Variants in LAMB2 observed in about 807,000 individuals in gnomAD.
The protein encoded by LAMB2 is laminin subunit beta 2, also known as laminin subunit beta-2.
Under a neutral mutation model 202.7 loss-of-function variants are expected in LAMB2, and 119 were observed. The ratio of observed to expected loss-of-function variants is 0.59; its 90% CI spans 0.51 to 0.68. LAMB2 has a LOEUF of 0.68. LAMB2 is among the 30% of genes least tolerant of loss of function. The pLI, the probability that LAMB2 is intolerant of heterozygous loss-of-function variation, is 0.00. For missense variants in LAMB2, 2,124 were observed against 2,410.6 expected (o/e 0.88, Z 2.49); for synonymous variants, 818 against 902.2 (o/e 0.91, Z 1.67).
rs1169182161 is a variant in LAMB2 at position 49,132,841 on chromosome 3, C to T, written c.27G>A (p.Gly9=). 1.9e-6 allele frequency: 3 copies of T among 1,614,050 alleles called. No homozygotes were observed. Among genetic ancestry groups the T allele is most frequent in the Non-Finnish European group, 2.5e-6 (3 of 1,180,042 alleles). Residue 9 remains glycine, a synonymous_variant, in exon 1 of 32, where the codon GGG becomes GGA. Transcript: ENST00000305544. This position sits in a 1 kb window ranked among gnomAD's most constrained non-coding sequence, Gnocchi z 4.6. MELTSRER[G]RGQPLPWELR... Reference sequence around the variant, plus strand: ...GTTCCCAGGGCAGAGGCTGTCCCCTCCCTCTTTCCCTTGAGGTCAGCTCCA... The same window carrying T: ...GTTCCCAGGGCAGAGGCTGTCCCCTTCCTCTTTCCCTTGAGGTCAGCTCCA...
chr3:49,132,111 G>A lies in LAMB2; in HGVS notation c.459+5C>T, dbSNP rs2045487749. On this transcript the variant is annotated splice_donor_5th_base_variant and intron_variant, in intron 4 of 31. Coordinates refer to ENST00000305544, the MANE Select transcript of LAMB2 (RefSeq NM_002292.4). The surrounding 1 kb of genome is among the most constrained non-coding windows in gnomAD (Gnocchi z 4.6). Reference sequence around the variant, plus strand: ...ATTCGGGCAGGCTCCCAGATATGCAGGCACCTTGAAGGTCATAATGAGGTG... The same window carrying A: ...ATTCGGGCAGGCTCCCAGATATGCAAGCACCTTGAAGGTCATAATGAGGTG... 1.2e-6 allele frequency: 2 copies of A among 1,613,848 alleles called. No homozygotes were observed.
rs1166157791 is a variant in LAMB2 at position 49,125,993 on chromosome 3, G to T, written c.2318C>A (p.Ser773Tyr). The change falls in exon 17 of 32, where the codon TCC becomes TAC. Residue 773 changes from serine to tyrosine, a missense_variant. Around this residue, in one of 3 missense-constraint regions of LAMB2, gnomAD observed 1,702 missense variants for 1,896.3 expected, o/e 0.90. Transcript: ENST00000305544. ...CAGGGCACCATTGTAGATGAGGGTG[G>T]ACAGGCTGATGAGGAGGGGTGCGCA... The part of the protein sequence containing the change: ...EACAPLLISL[S>Y]TLIYNGALPC... 6.2e-7 allele frequency: 1 copy of T among 1,614,194 alleles called. No homozygotes were observed. Among genetic ancestry groups the T allele is most frequent in the Non-Finnish European group, 8.5e-7 (1 of 1,180,040 alleles).
At position 49,131,807 on chromosome 3, in the gene LAMB2, C is replaced by G. The variant is rs1003574178; in HGVS notation, c.460-84G>C. On this transcript the variant is annotated intron_variant, in intron 4 of 31. Transcript: ENST00000305544. The surrounding 1 kb of genome is among the most constrained non-coding windows in gnomAD (Gnocchi z 5.0). ...ATCAAGAGCCCTGCTCAGCCCAAGA[C>G]TGCCCTCAAATAGCTCACAGAGAGT... is the stretch of plus-strand genomic sequence containing the variant. 3 of 1,444,582 alleles carry G rather than the reference C, an allele frequency of 2.1e-6. No individual in the cohort carries two copies. Among genetic ancestry groups the G allele is most frequent in the Non-Finnish European group, 1.9e-6 (2 of 1,045,656 alleles). The allele number at this position is 1,444,582 out of a possible 1,614,324, so 89.5% of individuals were successfully genotyped here.
In LAMB2 at chr3:49,130,706, G is replaced by GTGC. The variant is rs770476159; in HGVS notation, c.1036+31_1036+33dup. 7.4e-6 allele frequency: 12 copies of GTGC among 1,612,656 alleles called. No homozygotes were observed. On this transcript the variant is annotated intron_variant, in intron 8 of 31. Transcript: ENST00000305544. This position sits in a 1 kb window ranked among gnomAD's most constrained non-coding sequence, Gnocchi z 5.0. ...ACCCAGGGCACAGCCAGGCTGCAGA[G>GTGC]TGCTGGAGCTATGGAGGCCAAGATC...
At chr3:49,122,421 T>C (rs1443903286) in intron 27 of LAMB2, 51 bp from the exon 28 acceptor site, 6 of 1,560,158 alleles carry the variant, frequency 3.8e-6, no homozygotes, top group Admixed American at 1.7e-5. Flanking sequence ...AGCATGGGCA[T>C]GAGGATACAG....
chr3:49,124,632 C>G lies in LAMB2; in HGVS notation c.3110-20G>C, dbSNP rs2107638777. ...TGCAGCCTGTGCCAACCAAGATGAG[C>G]ACAGTAGTCAAGAGGAGGCCAAGAA... On this transcript the variant is annotated intron_variant, in intron 21 of 31. Coordinates refer to ENST00000305544, the MANE Select transcript of LAMB2 (RefSeq NM_002292.4). 6.2e-7 allele frequency: 1 copy of G among 1,613,776 alleles called. No homozygotes were observed. The highest frequency in any genetic ancestry group is 1.7e-5 in the Admixed American group (1 of 59,988).
Position 49,128,820 on chromosome 3 carries a change from C to A in LAMB2, c.1732-1G>T, listed in dbSNP as rs202215205. On this transcript the variant is annotated splice_acceptor_variant, in intron 13 of 31. Coordinates refer to ENST00000305544, the MANE Select transcript of LAMB2 (RefSeq NM_002292.4). LOFTEE classifies it high-confidence loss of function. ...CCAGGCGCTCCACCACATCGAGCAC[C>A]TGGGAGATAATGCAGCCAGGGATGG... is the stretch of plus-strand genomic sequence containing the variant. 1 of 1,611,710 alleles carries A rather than the reference C, an allele frequency of 6.2e-7. No individual in the cohort carries two copies. Among genetic ancestry groups the A allele is most frequent in the East Asian group, 2.2e-5 (1 of 44,824 alleles).
In LAMB2 at chr3:49,122,815, G is replaced by T; in HGVS notation, c.4462C>A (p.Gln1488Lys). ...TCCAGGGCTGCCTGGGCCCGCTGCT[G>T]TGCCTCGCTTGCCTGCCGACGAGTC... ...AETRRQASEA[Q>K]QRAQAALDKA... is the part of the protein sequence containing the mutation. Residue 1488 changes from glutamine (Q) to lysine (K), a missense_variant, in exon 27 of 32, where the codon CAG (glutamine) becomes AAG (lysine). Gln to Lys is a moderately conservative substitution (Grantham distance 53). Around this residue, in one of 3 missense-constraint regions of LAMB2, gnomAD observed 1,702 missense variants for 1,896.3 expected, o/e 0.90. Transcript: ENST00000305544. 1.2e-6 allele frequency: 2 copies of T among 1,613,592 alleles called. No homozygotes were observed. The highest frequency in any genetic ancestry group is 1.7e-6 in the Non-Finnish European group (2 of 1,180,024).
Position 49,129,606 on chromosome 3 carries a change from G to A in LAMB2, c.1516C>T (p.Leu506=). The change falls in exon 11 of 32, where the codon CTG becomes TTG. Residue 506 remains leucine, a splice_region_variant and synonymous_variant. Coordinates refer to ENST00000305544, the MANE Select transcript of LAMB2 (RefSeq NM_002292.4). This position sits in a 1 kb window ranked among gnomAD's most constrained non-coding sequence, Gnocchi z 6.1. The part of the protein sequence containing the change: ...LVTGRGCDRC[L]PGHWGLSHDL... ...ACTCCAGCCCCTTCCAGTCGCACCAGGCAGCGGTCACATCCACGTCCAGTC... is the reference window on the plus strand; with the variant it reads ...ACTCCAGCCCCTTCCAGTCGCACCAAGCAGCGGTCACATCCACGTCCAGTC... 6.2e-7 allele frequency: 1 copy of A among 1,612,262 alleles called. No individual in the cohort carries two copies. The highest frequency in any genetic ancestry group is 1.1e-5 in the South Asian group (1 of 91,028).
At position 49,129,330 on chromosome 3, in the gene LAMB2, C is replaced by A. The variant is rs755545118; in HGVS notation, c.1519-6G>T. On this transcript the variant is annotated splice_polypyrimidine_tract_variant and splice_region_variant and intron_variant, in intron 11 of 31. Coordinates refer to ENST00000305544, the MANE Select transcript of LAMB2 (RefSeq NM_002292.4). This position sits in a 1 kb window ranked among gnomAD's most constrained non-coding sequence, Gnocchi z 6.1. ...CTCAGGCCCCAGTGGCCAGGCTGCA[C>A]GAAAGGAGTTGCTGGGGGCCAGAAA... The A allele has an allele frequency of 3.7e-6, 6 of 1,610,998 alleles. No homozygotes were observed. The highest frequency in any genetic ancestry group is 5.1e-6 in the Non-Finnish European group (6 of 1,178,840).
In LAMB2 at chr3:49,131,204, T is replaced by C; in HGVS notation, c.713-52A>G. On this transcript the variant is annotated intron_variant, in intron 6 of 31. Coordinates refer to ENST00000305544, the MANE Select transcript of LAMB2 (RefSeq NM_002292.4). The surrounding 1 kb of genome is among the most constrained non-coding windows in gnomAD (Gnocchi z 5.0). Reference sequence around the variant, plus strand: ...GACCAGGCAGGCCCTTGCTGCCCCATGTCCACCCAGGGGCTCAGCTGCCAA... The same window carrying C: ...GACCAGGCAGGCCCTTGCTGCCCCACGTCCACCCAGGGGCTCAGCTGCCAA... 6.4e-7 allele frequency: 1 copy of C among 1,565,750 alleles called. No homozygotes were observed. The highest frequency in any genetic ancestry group is 2.0e-4 in the Middle Eastern group (1 of 5,018).
At chr3:49,128,422 C>G (rs930043295) in intron 15 of LAMB2, 36 bp downstream of exon 15, 1 of 1,608,270 alleles carries the variant, frequency 6.2e-7, no homozygotes, top group Non-Finnish European at 8.5e-7. Context: ...CCCCACAACC[C>G]CCTGCCATTG....
rs751418665 is a variant in LAMB2, at chr3:49,123,637, A to G, written c.3798-6T>C. The G allele has an allele frequency of 8.1e-6, 13 of 1,613,938 alleles. No individual in the cohort carries two copies. The highest frequency in any genetic ancestry group is 3.3e-5 in the South Asian group (3 of 91,088). ...TGGCCTCCCCAATTTCACGCCTGCA[A>G]TGATGGAGAGGGGGGTGTTTAGAGA... On this transcript the variant is annotated splice_region_variant and splice_polypyrimidine_tract_variant and intron_variant, in intron 24 of 31. Transcript: ENST00000305544.
Position 49,124,674 on chromosome 3 carries a change from G to A in LAMB2, c.3109+27C>T, listed in dbSNP as rs764650878. The stretch of plus-strand genomic sequence containing the variant: ...GGCCAAGAAGCAGAACCCCAATTCA[G>A]CCATGCCCTCCCACACTCATACTCA... On this transcript the variant is annotated intron_variant, in intron 21 of 31. Transcript: ENST00000305544. 8 of 1,613,798 alleles carry A rather than the reference G, an allele frequency of 5.0e-6. No individual in the cohort carries two copies. The South Asian group carries it at 7.7e-5, about 16-fold the overall frequency.
At chr3:49,126,342 G>C in intron 16 of LAMB2, 23 bp downstream of exon 16, 1 of 1,614,176 alleles carries the variant, frequency 6.2e-7, no homozygotes, top group African/African-American at 1.3e-5. Context: ...CTTGGTTGGT[G>C]TGGGCAAGAG....
Position 49,125,882 on chromosome 3 carries a change from A to G in LAMB2, c.2353T>C (p.Cys785Arg), listed in dbSNP as rs1400111683. ...GAACTCAGTGAACCTTGAGGGTTGC[A>G]CTGACATGCTGTGGGGAGGAGGGTT... ...LIYNGALPCQ[C>R]NPQGSLSSEC... Residue 785 changes from cysteine to arginine, a missense_variant, in exon 18 of 32, where the codon TGC (cysteine) becomes CGC (arginine). Around this residue, in one of 3 missense-constraint regions of LAMB2, gnomAD observed 1,702 missense variants for 1,896.3 expected, o/e 0.90. Transcript: ENST00000305544. 1 of 1,614,118 alleles carries G rather than the reference A, an allele frequency of 6.2e-7. No individual in the cohort carries two copies. Among genetic ancestry groups the G allele is most frequent in the African/African-American group, 1.3e-5 (1 of 75,016 alleles).
At position 49,124,463 on chromosome 3, in the gene LAMB2, T is replaced by A; in HGVS notation, c.3259A>T (p.Thr1087Ser). Residue 1087 changes from threonine (T) to serine (S), a missense_variant, in exon 22 of 32, where the codon ACC (threonine) becomes TCC (serine). Thr to Ser is a moderately conservative substitution (Grantham distance 58). Around this residue, in one of 3 missense-constraint regions of LAMB2, gnomAD observed 1,702 missense variants for 1,896.3 expected, o/e 0.90. Transcript: ENST00000305544. The stretch of plus-strand genomic sequence containing the variant: ...CAAGGCTGGCAACCATGGCCACTGG[T>A]GAGGTTCCAGAAGTTGGGGGCACAG... ...DRCAPNFWNL[T>S]SGHGCQPCAC... 6.2e-7 allele frequency: 1 copy of A among 1,613,536 alleles called. No individual in the cohort carries two copies. The highest frequency in any genetic ancestry group is 8.5e-7 in the Non-Finnish European group (1 of 1,179,998).
In LAMB2 at chr3:49,124,940, G is replaced by C; in HGVS notation, c.2885-15C>G. Reference sequence around the variant, plus strand: ...ACATCGCAGCCCTGCCCACGGTTAAGAGGAAGCTGTGAGTGCTCAGCCCAG... The same window carrying C: ...ACATCGCAGCCCTGCCCACGGTTAACAGGAAGCTGTGAGTGCTCAGCCCAG... On this transcript the variant is annotated splice_polypyrimidine_tract_variant and intron_variant, in intron 20 of 31. Transcript: ENST00000305544. 6.2e-7 allele frequency: 1 copy of C among 1,614,008 alleles called. No individual in the cohort carries two copies. The highest frequency in any genetic ancestry group is 8.5e-7 in the Non-Finnish European group (1 of 1,180,032).
At chr3:49,128,018 C>CAAAAAAAAAAAAAAAAAAAAAAAAAAAAA (rs1156873652) in intron 15 of LAMB2, among the ~76,000 whole-genome samples, 2 of 32,874 alleles carry the variant, frequency 6.1e-5, no homozygotes, top group Non-Finnish European at 1.2e-4. Context: ...GACTCCGTCT[C>CAAAAAAAAAAAAAAAAAAAAAAAAAAAAA]AAAAAAAAAA....
Sources: gnomAD v4.1 joint callset for allele counts (sites outside exome capture counted in the v4.1 genomes callset) on GRCh38, gnomAD v4.1.1 for gene constraint, gnomAD v4.1.1 regional missense constraint, Gnocchi (gnomAD v3.1) non-coding constraint, MANE v1.5 for transcripts, NCBI Gene and HGNC (gene_info 2026-07-23, HGNC 2026-07-21) for gene names.